Variants in ZNF804B observed in about 807,000 individuals in gnomAD.
ZNF804B encodes the protein zinc finger 804B.
A neutral mutation model predicts 101.4 loss-of-function variants in ZNF804B; 80 were observed. The observed-to-expected ratio is 0.79, with a 90% CI of 0.66 to 0.95. The LOEUF is 0.95. ZNF804B is among the 40% of genes least tolerant of loss of function. The probability of loss-of-function intolerance (pLI) is 0.00; values close to 1 mark genes in which losing one functional copy is unlikely to be tolerated. For missense variants in ZNF804B, 1,673 were observed against 1,561.9 expected (o/e 1.07, Z -1.20); for synonymous variants, 622 against 558.8 (o/e 1.11, Z -1.59).
intron 1 of ZNF804B, among the ~76,000 whole-genome samples, chr7:88,762,760 A>G (rs1789918423): frequency 6.6e-6 from 1 of 151,466 alleles, no homozygotes. Flanking sequence ...TACATCAATG[A>G]CTTTAATTAT....
At chr7:89,010,071 C>G (rs1461267555) in intron 1 of ZNF804B, among the ~76,000 whole-genome samples, 1 of 152,050 alleles carries the variant, frequency 6.6e-6, no homozygotes, top group African/African-American at 2.4e-5. Flanking sequence ...TATTTCCCAT[C>G]TAGATTATAA....
intron 1 of ZNF804B, among the ~76,000 whole-genome samples, chr7:89,179,325 T>C (rs1788258585): frequency 1.3e-5 from 2 of 152,172 alleles, no homozygotes; most frequent in Admixed American, 6.5e-5. Context: ...CCTACATTCG[T>C]AGGCATGTTG....
intron 2 of ZNF804B, among the ~76,000 whole-genome samples, chr7:89,323,353 A>G (rs904544471): frequency 6.6e-6 from 1 of 152,240 alleles, no homozygotes; most frequent in South Asian, 2.1e-4. Context: ...AATATCACAC[A>G]TGAACATAGA....
intron 2 of ZNF804B, among the ~76,000 whole-genome samples, chr7:89,323,373 C>T (rs1790849473): frequency 6.6e-6 from 1 of 152,144 alleles, no homozygotes; most frequent in African/African-American, 2.4e-5. Flanking sequence ...ATGCAAAGTT[C>T]ATAATGAATG....
At chr7:89,000,187 C>T (rs1788262751) in intron 1 of ZNF804B, among the ~76,000 whole-genome samples, 1 of 151,914 alleles carries the variant, frequency 6.6e-6, no homozygotes, top group Non-Finnish European at 1.5e-5. Flanking sequence ...AAAGTATTTT[C>T]ATGTACTGCA....
At chr7:88,850,136 A>C (rs994315287) in intron 1 of ZNF804B, among the ~76,000 whole-genome samples, 2 of 152,150 alleles carry the variant, frequency 1.3e-5, no homozygotes, top group African/African-American at 4.8e-5. Context: ...AATAATTCTC[A>C]AGACATTTTA....
chr7:88,958,501 G>T (rs1286690602), intron 1 of ZNF804B, among the ~76,000 whole-genome samples: 1 of 151,450 alleles, frequency 6.6e-6, no homozygotes, highest in Non-Finnish European at 1.5e-5. Context: ...GCCATCCATA[G>T]ATATCACCAT....
At chr7:89,090,001 A>G (rs960901502) in intron 1 of ZNF804B, among the ~76,000 whole-genome samples, 3 of 152,140 alleles carry the variant, frequency 2.0e-5, no homozygotes, top group African/African-American at 7.2e-5. Flanking sequence ...TAGTTGTTAC[A>G]TTTACGGACA....
intron 1 of ZNF804B, among the ~76,000 whole-genome samples, chr7:89,186,989 C>A (rs1314376183): frequency 1.3e-5 from 2 of 152,168 alleles, no homozygotes; most frequent in African/African-American, 4.8e-5. Context: ...TAATCTAAAT[C>A]TTTCCATCAA....
At chr7:88,830,190 C>A (rs1171785990) in intron 1 of ZNF804B, among the ~76,000 whole-genome samples, 1 of 152,048 alleles carries the variant, frequency 6.6e-6, no homozygotes, top group Non-Finnish European at 1.5e-5. Context: ...TAGACTGGGG[C>A]TTGTGTTGCC....
At chr7:89,285,626 TA>T (rs1220814227) in intron 2 of ZNF804B, among the ~76,000 whole-genome samples, 3 of 142,338 alleles carry the variant, frequency 2.1e-5, no homozygotes, top group Non-Finnish European at 4.4e-5. Context: ...AACAGATTTT[TA>T]ATTCAGACAA....
chr7:88,793,721 T>C (rs939720051), intron 1 of ZNF804B, among the ~76,000 whole-genome samples: 2 of 152,106 alleles, frequency 1.3e-5, no homozygotes, highest in Non-Finnish European at 2.9e-5. Flanking sequence ...CGTAACTACT[T>C]CTACATGTAC....
At chr7:89,010,317 G>A (rs1157143527) in intron 1 of ZNF804B, among the ~76,000 whole-genome samples, 1 of 152,124 alleles carries the variant, frequency 6.6e-6, no homozygotes, top group Non-Finnish European at 1.5e-5. Context: ...TTGTTTCTAG[G>A]ATACTTCTTC....
intron 2 of ZNF804B, among the ~76,000 whole-genome samples, chr7:89,256,015 G>T (rs1190623246): frequency 6.6e-6 from 1 of 152,038 alleles, no homozygotes; most frequent in Non-Finnish European, 1.5e-5. Context: ...ATTGCAAAAA[G>T]TATTAAAAGC....
rs181351962 is a variant in ZNF804B, at chr7:88,805,129, A to G, written c.108+45045A>G. Among the ~76,000 whole-genome samples the G allele has an allele frequency of 2.0e-5, 3 of 152,314 alleles. No individual in the cohort carries two copies. The East Asian group carries it at 5.8e-4, about 29-fold the overall frequency. On this transcript the variant is annotated intron_variant, in intron 1 of 3. Coordinates refer to ENST00000333190, the MANE Select transcript of ZNF804B (RefSeq NM_181646.5). ...ATTAAATGTTTTAAGCAGTAAAGTT[A>G]TATGATGAGTTACACATTTAATGGT... is the stretch of plus-strand genomic sequence containing the variant.
At chr7:88,945,769 A>G (rs1793119286) in intron 1 of ZNF804B, among the ~76,000 whole-genome samples, 1 of 152,054 alleles carries the variant, frequency 6.6e-6, no homozygotes. Flanking sequence ...TTCCTTGAGC[A>G]GTGGTTTGTA....
In ZNF804B at chr7:89,277,317, T is replaced by A. The variant is rs1007022199; in HGVS notation, c.250-50027T>A. ...TCAAAAACATCTAAAGGAGTTTTTT[T>A]CTTTTTTTTTTCTTTTTTTTATTAT... On this transcript the variant is annotated intron_variant, in intron 2 of 3. Transcript: ENST00000333190. Among the ~76,000 whole-genome samples the A allele has an allele frequency of 1.2e-3, 180 of 149,928 alleles. 3 individuals are homozygous for A. Among genetic ancestry groups the A allele is most frequent in the African/African-American group, 4.0e-3 (165 of 40,850 alleles).
At chr7:89,014,184 TTTCC>T (rs1424916817) in intron 1 of ZNF804B, among the ~76,000 whole-genome samples, 1 of 152,086 alleles carries the variant, frequency 6.6e-6, no homozygotes, top group Non-Finnish European at 1.5e-5. Flanking sequence ...TGTATAAGAG[TTTCC>T]TACTCTCTGC....
At chr7:89,090,354 A>G (rs1049533271) in intron 1 of ZNF804B, among the ~76,000 whole-genome samples, 8 of 152,216 alleles carry the variant, frequency 5.3e-5, no homozygotes, top group South Asian at 4.1e-4. Flanking sequence ...AAAAAAATGT[A>G]AGAAGAAATG....
Sources: allele counts gnomAD v4.1 joint callset (sites outside exome capture counted in the v4.1 genomes callset), GRCh38; gene constraint gnomAD v4.1.1; transcripts MANE v1.5; gene names NCBI Gene and HGNC (gene_info 2026-07-23, HGNC 2026-07-21).